The following APBA2 variants were observed in gnomAD, a reference collection of about 807,000 sequenced individuals.
APBA2 encodes the protein amyloid-beta A4 precursor protein-binding family A member 2.
Under a neutral mutation model 75.0 loss-of-function variants are expected in APBA2, and 30 were observed. The ratio of observed to expected loss-of-function variants is 0.40; its 90% CI spans 0.30 to 0.54. APBA2 has a LOEUF of 0.54. APBA2 is among the 20% of genes least tolerant of loss of function. The pLI is 0.49. For missense variants in APBA2, 801 were observed against 1,016.1 expected, an observed-to-expected ratio of 0.79 and a Z score of 2.88; for synonymous variants, 444 against 409.6, an observed-to-expected ratio of 1.08 and a Z score of -1.01.
rs1304188115 is a variant in APBA2 at position 28,886,021 on chromosome 15, G to A, written c.-462G>A. 2.7e-5 allele frequency: 4 copies of A among 149,652 alleles called. No individual in the cohort carries two copies. Among genetic ancestry groups the A allele is most frequent in the Admixed American group, 2.7e-4 (4 of 15,026 alleles). 9.3% of individuals were successfully genotyped at this position (149,652 alleles called of 1,614,324 possible). ...CGGAAGCGGCCGGGGCGGGGGCGCA[G>A]GCCCGGCAGCCGCAGGCCGGTGCGG... On this transcript the variant is annotated 5_prime_UTR_variant, in exon 1 of 15. Transcript: ENST00000683413.
Position 28,886,179 on chromosome 15 carries a change from G to T in APBA2, c.-304G>T, listed in dbSNP as rs978876451. The stretch of plus-strand genomic sequence containing the variant: ...GGGCTCATTAGCAGTCGCGGTGTGC[G>T]GCTCGGCGCGGGCTCACAAAGAGCT... On this transcript the variant is annotated 5_prime_UTR_variant, in exon 1 of 15. Transcript: ENST00000683413. 6.6e-6 allele frequency: 1 copy of T among 150,778 alleles called. No individual in the cohort carries two copies. Among genetic ancestry groups the T allele is most frequent in the Non-Finnish European group, 1.5e-5 (1 of 67,550 alleles). The allele number at this position is 150,778 out of a possible 1,614,324, so 9.3% of individuals were successfully genotyped here. A position where few individuals can be genotyped will look rare whatever the true frequency, so the allele number is the denominator to read the frequency against.
intron 2 of APBA2, among the ~76,000 whole-genome samples, chr15:28,948,729 C>T (rs138680574): frequency 1.5e-3 from 230 of 152,248 alleles, no homozygotes; most frequent in African/African-American, 5.4e-3. Flanking sequence ...CTGTGCCCTG[C>T]GGTTGTGGTT....
Position 28,991,856 on chromosome 15 carries a change from C to T in APBA2, c.-94-3897C>T, listed in dbSNP as rs937050. Among the ~76,000 whole-genome samples the T allele has an allele frequency of 0.083, 12,573 of 152,210 alleles. 700 individuals carry two copies. The highest frequency in any genetic ancestry group is 0.27 in the East Asian group (1,397 of 5,168). ...TGTTCACCAGATTCCACTTGCTCTA[C>T]AACCCAGGCACAGTGCACCAGAGTT... is the stretch of plus-strand genomic sequence containing the variant. On this transcript the variant is annotated intron_variant, in intron 2 of 14. Transcript: ENST00000683413. The surrounding 1 kb of genome is among the most constrained non-coding windows in gnomAD (Gnocchi z 4.7).
At chr15:29,055,746 G>A (rs1279105106) in intron 4 of APBA2, among the ~76,000 whole-genome samples, 1 of 147,604 alleles carries the variant, frequency 6.8e-6, no homozygotes, top group African/African-American at 2.5e-5. Flanking sequence ...GAAATCATTG[G>A]ATTTTCAGCA....
At chr15:29,085,524 C>CA (rs777850421) in intron 6 of APBA2, among the ~76,000 whole-genome samples, 2,553 of 56,150 alleles carry the variant, frequency 0.045, 45 homozygotes, top group Middle Eastern at 0.11. Context: ...GACTCCATCT[C>CA]AAAAAAAAAA....
chr15:29,093,687 G>C (rs551688816), intron 7 of APBA2, among the ~76,000 whole-genome samples: 1 of 152,176 alleles, frequency 6.6e-6, no homozygotes, highest in Non-Finnish European at 1.5e-5. Flanking sequence ...CGGGCAAGGG[G>C]AAGATGAGGC....
intron 7 of APBA2, among the ~76,000 whole-genome samples, chr15:29,093,444 G>T (rs1055295932): frequency 6.6e-6 from 1 of 152,208 alleles, no homozygotes; most frequent in South Asian, 2.1e-4. Context: ...AGAGGCCCAC[G>T]GAATCCCAGA....
At chr15:28,976,595 C>T (rs1335624063) in intron 2 of APBA2, among the ~76,000 whole-genome samples, 2 of 152,144 alleles carry the variant, frequency 1.3e-5, no homozygotes, top group African/African-American at 4.8e-5. Flanking sequence ...TTGAGATGAT[C>T]TGTTAATGTG....
At chr15:29,012,156 T>C (rs1229861207) in intron 3 of APBA2, among the ~76,000 whole-genome samples, 2 of 152,220 alleles carry the variant, frequency 1.3e-5, no homozygotes, top group Non-Finnish European at 2.9e-5. Context: ...CCATACTTCA[T>C]TCACATTTTC....
chr15:28,963,321 A>C (rs1205672936), intron 2 of APBA2, among the ~76,000 whole-genome samples: 1 of 152,252 alleles, frequency 6.6e-6, no homozygotes, highest in African/African-American at 2.4e-5. Flanking sequence ...AAAGTCATGC[A>C]GCTCAGGCCC....
intron 3 of APBA2, among the ~76,000 whole-genome samples, chr15:29,016,452 G>T (rs1416104922): frequency 1.3e-5 from 2 of 152,148 alleles, no homozygotes; most frequent in Non-Finnish European, 2.9e-5. Context: ...TTCTCTGTGG[G>T]ACCTTTGGTG....
chr15:29,110,998 G>A (rs2044697718), intron 13 of APBA2, among the ~76,000 whole-genome samples: 1 of 152,132 alleles, frequency 6.6e-6, no homozygotes, highest in South Asian at 2.1e-4. Context: ...GGAAGCTGAG[G>A]GTGGTGGTGC....
chr15:29,098,395 A>AT, intron 8 of APBA2, 95 bp from the exon 9 acceptor site: 2 of 829,650 alleles, frequency 2.4e-6, no homozygotes, highest in South Asian at 2.8e-5. Context: ...TTATCTGGTG[A>AT]TTAGGGATGT....
At chr15:29,082,396 G>A (rs1339791983) in intron 6 of APBA2, among the ~76,000 whole-genome samples, 2 of 152,144 alleles carry the variant, frequency 1.3e-5, no homozygotes, top group Non-Finnish European at 2.9e-5. Context: ...ACTTCAGATC[G>A]ATTGTCTTAG....
intron 2 of APBA2, among the ~76,000 whole-genome samples, chr15:28,958,822 T>TTTG (rs1476992976): frequency 1.3e-5 from 2 of 152,182 alleles, no homozygotes; most frequent in East Asian, 3.9e-4. Context: ...CCAACTTTTT[T>TTTG]TTTTTTGACT....
intron 3 of APBA2, among the ~76,000 whole-genome samples, chr15:29,012,430 T>C (rs2039446464): frequency 6.6e-6 from 1 of 152,210 alleles, no homozygotes; most frequent in South Asian, 2.1e-4. Context: ...AAAAGTGCCA[T>C]TCTTATCCTA....
rs753545823 is a variant in APBA2, at chr15:29,108,228, G to A, written c.1918-42G>A. 2.5e-6 allele frequency: 4 copies of A among 1,612,608 alleles called. No individual in the cohort carries two copies. In the South Asian group the frequency reaches 3.3e-5, roughly 13 times the overall value. Reference sequence around the variant, plus strand: ...TCGCTCATCCTGGGTCAGGCTTGATGTCTAAGGCCCAGCCTGTGACTCCTG... The same window carrying A: ...TCGCTCATCCTGGGTCAGGCTTGATATCTAAGGCCCAGCCTGTGACTCCTG... On this transcript the variant is annotated intron_variant, in intron 12 of 14. Coordinates refer to ENST00000683413, the MANE Select transcript of APBA2 (RefSeq NM_001353788.2).
intron 3 of APBA2, among the ~76,000 whole-genome samples, chr15:29,035,199 A>G (rs145274276): frequency 9.8e-5 from 15 of 152,332 alleles, no homozygotes; most frequent in African/African-American, 3.6e-4. Flanking sequence ...ACCTGGGGCC[A>G]CTGCCCTTCC....
At chr15:28,923,853 A>G (rs970307481) in intron 2 of APBA2, among the ~76,000 whole-genome samples, 10 of 152,090 alleles carry the variant, frequency 6.6e-5, no homozygotes, top group Admixed American at 2.0e-4. Flanking sequence ...GCTGGGCATG[A>G]AAAGGCTTCT....
Sources: allele counts gnomAD v4.1 joint callset (sites outside exome capture counted in the v4.1 genomes callset), GRCh38; gene constraint gnomAD v4.1.1; non-coding constraint Gnocchi (gnomAD v3.1); transcripts MANE v1.5; gene names NCBI Gene and HGNC (gene_info 2026-07-23, HGNC 2026-07-21).